SPIN1: variants seen among roughly 807,000 people sequenced by gnomAD.
SPIN1 encodes the protein spindlin-1.
SPIN1 carries 3 observed loss-of-function variants against 26.0 expected under a neutral mutation model. The ratio of observed to expected loss-of-function variants is 0.12; its 90% confidence interval spans 0.05 to 0.30. The LOEUF (loss-of-function observed/expected upper bound fraction) is 0.30. SPIN1 is among the 10% of genes least tolerant of loss of function. The probability of loss-of-function intolerance (pLI) is 1.00; values close to 1 mark genes in which losing one functional copy is unlikely to be tolerated. For synonymous variants in SPIN1, 101 were observed against 116.5 expected (o/e 0.87, Z 0.86); for missense variants, 126 against 333.4 (o/e 0.38, Z 4.84).
chr9:88,462,683 G>A lies in SPIN1; in HGVS notation c.289G>A (p.Val97Ile). 1 of 1,614,102 alleles carries A rather than the reference G, an allele frequency of 6.2e-7. No individual in the cohort carries two copies. Among genetic ancestry groups the A allele is most frequent in the Non-Finnish European group, 8.5e-7 (1 of 1,180,002 alleles). The change falls in exon 4 of 6, where the codon GTT becomes ATT. Residue 97 changes from valine to isoleucine, a missense_variant. Val to Ile is a conservative substitution (Grantham distance 29, BLOSUM62 3). Coordinates refer to ENST00000375859, the MANE Select transcript of SPIN1 (RefSeq NM_006717.3). ...TATAAAATACGATGGATTTGACTGTGTTTATGGACTAGAACTTAATAAAGA... is the reference window on the plus strand; with the variant it reads ...TATAAAATACGATGGATTTGACTGTATTTATGGACTAGAACTTAATAAAGA... ...YLIKYDGFDC[V>I]YGLELNKDER...
intron 1 of SPIN1, among the ~76,000 whole-genome samples, chr9:88,406,421 G>A (rs1267347500): frequency 1.3e-5 from 2 of 151,258 alleles, no homozygotes; most frequent in Non-Finnish European, 2.9e-5. Context: ...CTCCCCAGTA[G>A]CTGGGACTAC....
chr9:88,431,439 C>G (rs1003703174), intron 2 of SPIN1, among the ~76,000 whole-genome samples: 3 of 149,998 alleles, frequency 2.0e-5, no homozygotes, highest in Non-Finnish European at 4.4e-5. Flanking sequence ...TACAGGCATC[C>G]GCCACCACGC....
At chr9:88,432,685 C>G (rs1053014191) in intron 2 of SPIN1, among the ~76,000 whole-genome samples, 2 of 151,918 alleles carry the variant, frequency 1.3e-5, no homozygotes, top group Non-Finnish European at 2.9e-5. Flanking sequence ...GATGGGGTTT[C>G]ACCATGTTGG....
intron 3 of SPIN1, among the ~76,000 whole-genome samples, chr9:88,455,750 G>A (rs1323223083): frequency 6.6e-6 from 1 of 152,120 alleles, no homozygotes; most frequent in Non-Finnish European, 1.5e-5. Context: ...GGCCAAGGTG[G>A]GAGGATTGCT....
intron 5 of SPIN1, among the ~76,000 whole-genome samples, chr9:88,470,811 C>T (rs988541073): frequency 1.3e-5 from 2 of 152,178 alleles, no homozygotes; most frequent in African/African-American, 4.8e-5. Flanking sequence ...CCGGGCTCCT[C>T]TTGAACTCCT....
At chr9:88,459,956 A>G (rs1828544985) in intron 3 of SPIN1, among the ~76,000 whole-genome samples, 1 of 151,998 alleles carries the variant, frequency 6.6e-6, no homozygotes, top group Non-Finnish European at 1.5e-5. Flanking sequence ...GTTGCTGTCA[A>G]ATTCTGAGTC....
At chr9:88,433,827 C>T (rs1330307635) in intron 2 of SPIN1, among the ~76,000 whole-genome samples, 6 of 151,936 alleles carry the variant, frequency 3.9e-5, no homozygotes, top group Non-Finnish European at 7.4e-5. Flanking sequence ...AAGAAAGATA[C>T]GGTAAGTCCT....
intron 2 of SPIN1, among the ~76,000 whole-genome samples, chr9:88,434,534 T>G (rs73652559): frequency 0.053 from 8,034 of 152,094 alleles, 652 homozygotes; most frequent in African/African-American, 0.18. Flanking sequence ...AACTCCCCAT[T>G]TGGTGACAAA....
intron 4 of SPIN1, among the ~76,000 whole-genome samples, chr9:88,467,368 A>G (rs943531253): frequency 6.6e-6 from 1 of 152,214 alleles, no homozygotes; most frequent in African/African-American, 2.4e-5. Context: ...GCAACTAACA[A>G]GTACACAAAT....
At chr9:88,396,377 G>A (rs993169341) in intron 1 of SPIN1, among the ~76,000 whole-genome samples, 9 of 152,040 alleles carry the variant, frequency 5.9e-5, no homozygotes, top group East Asian at 3.9e-4. Context: ...TGAGGTGGGC[G>A]GATTACCTGA....
intron 1 of SPIN1, among the ~76,000 whole-genome samples, chr9:88,408,485 C>T (rs1367915902): frequency 2.1e-5 from 3 of 145,604 alleles, no homozygotes; most frequent in African/African-American, 7.5e-5. Context: ...TTAAGCAGTT[C>T]TCTGCCACAA....
At chr9:88,471,056 G>A (rs1405412674) in intron 5 of SPIN1, among the ~76,000 whole-genome samples, 1 of 152,124 alleles carries the variant, frequency 6.6e-6, no homozygotes, top group Admixed American at 6.5e-5. Flanking sequence ...TCCATGGGCT[G>A]TTTTTACTTT....
chr9:88,458,269 T>G (rs1262975406), intron 3 of SPIN1, among the ~76,000 whole-genome samples: 1 of 152,172 alleles, frequency 6.6e-6, no homozygotes, highest in Non-Finnish European at 1.5e-5. Flanking sequence ...AACAAAATGT[T>G]AAGTATGAGA....
At chr9:88,424,751 G>A (rs1346750634) in intron 1 of SPIN1, among the ~76,000 whole-genome samples, 1 of 152,194 alleles carries the variant, frequency 6.6e-6, no homozygotes, top group Admixed American at 6.5e-5. Context: ...TCTGTGTTGA[G>A]ACTGTGAGAA....
chr9:88,417,271 C>G (rs1050584006), intron 1 of SPIN1, among the ~76,000 whole-genome samples: 12 of 152,120 alleles, frequency 7.9e-5, no homozygotes, highest in South Asian at 2.1e-4. Context: ...TCTCTATGCT[C>G]ATACTCAGCA....
rs755032118 is a variant in SPIN1 at position 88,468,349 on chromosome 9, T to G, written c.356-23T>G. The G allele has an allele frequency of 2.2e-5, 26 of 1,164,482 alleles. No individual in the cohort carries two copies. In the Admixed American group the frequency reaches 7.7e-4, roughly 35 times the overall value. 72.1% of individuals were successfully genotyped at this position (1,164,482 alleles called of 1,614,324 possible). A position where few individuals can be genotyped will look rare whatever the true frequency, so the allele number is the denominator to read the frequency against. ...ATCAGCGAAACACTTTGTCAACTTTTTTTTTTTTTTTTTAATCCCCAGCGA... is the reference window on the plus strand; with the variant it reads ...ATCAGCGAAACACTTTGTCAACTTTGTTTTTTTTTTTTTAATCCCCAGCGA... On this transcript the variant is annotated intron_variant, in intron 4 of 5. Transcript: ENST00000375859.
Position 88,476,958 on chromosome 9 carries a change from A to G in SPIN1, c.*1681A>G, listed in dbSNP as rs1282847699. The G allele has an allele frequency of 2.0e-5, 3 of 152,084 alleles. No homozygotes were observed. The highest frequency in any genetic ancestry group is 6.6e-5 in the Admixed American group (1 of 15,258). The allele number at this position is 152,084 out of a possible 1,614,324, so 9.4% of individuals were successfully genotyped here. A position where few individuals can be genotyped will look rare whatever the true frequency, so the allele number is the denominator to read the frequency against. ...GTTATGCATGGTTTGCTTGATGCCC[A>G]TTTTTTGTGCCTTGTGCTGTTGGAT... On this transcript the variant is annotated 3_prime_UTR_variant, in exon 6 of 6. Coordinates refer to ENST00000375859, the MANE Select transcript of SPIN1 (RefSeq NM_006717.3).
Position 88,426,402 on chromosome 9 carries a change from T to G in SPIN1, c.-138T>G. On this transcript the variant is annotated 5_prime_UTR_variant, in exon 2 of 6. Transcript: ENST00000375859. ...TACAGAGTGCTTGTGATTTCACGTA[T>G]TTTTGCTGAACTCGTAAAAGAGACA... 1.6e-6 allele frequency: 1 copy of G among 623,312 alleles called. No individual in the cohort carries two copies. The highest frequency in any genetic ancestry group is 2.8e-6 in the Non-Finnish European group (1 of 352,378). The allele number at this position is 623,312 out of a possible 1,614,324, so 38.6% of individuals were successfully genotyped here. A position where few individuals can be genotyped will look rare whatever the true frequency, so the allele number is the denominator to read the frequency against.
intron 2 of SPIN1, among the ~76,000 whole-genome samples, chr9:88,447,809 TC>T (rs1828281498): frequency 6.6e-6 from 1 of 152,034 alleles, no homozygotes; most frequent in Non-Finnish European, 1.5e-5. Flanking sequence ...TGTTCTTGGT[TC>T]CCCCTTCATA....
Sources: allele counts gnomAD v4.1 joint callset (sites outside exome capture counted in the v4.1 genomes callset), GRCh38; gene constraint gnomAD v4.1.1; transcripts MANE v1.5; gene names NCBI Gene and HGNC (gene_info 2026-07-23, HGNC 2026-07-21).